The following ATG10 variants were observed in gnomAD, a reference collection of about 807,000 sequenced individuals.
ATG10 encodes the protein ubiquitin-like-conjugating enzyme ATG10.
In ATG10, 30 loss-of-function variants were observed where a neutral mutation model predicts 32.1. The observed-to-expected ratio is 0.94, with a 90% confidence interval of 0.70 to 1.27. The LOEUF (loss-of-function observed/expected upper bound fraction) is 1.27, where lower values mean the gene tolerates loss of function less well. Among genes scored for constraint, ATG10 ranks in the 50% most tolerant of loss-of-function variants. The probability of loss-of-function intolerance (pLI) is 0.00; values close to 1 mark genes in which losing one functional copy is unlikely to be tolerated. For synonymous variants in ATG10, 87 were observed against 91.5 expected (o/e 0.95, Z 0.28); for missense variants, 233 against 262.3 (o/e 0.89, Z 0.77).
intron 5 of ATG10, among the ~76,000 whole-genome samples, chr5:82,187,297 G>A (rs1286065923): frequency 6.6e-6 from 1 of 152,014 alleles, no homozygotes; most frequent in African/African-American, 2.4e-5. Context: ...GATCACTTGA[G>A]GTCAGGAGTT....
chr5:82,004,501 AC>A (rs1362840996), intron 2 of ATG10, among the ~76,000 whole-genome samples: 1 of 152,216 alleles, frequency 6.6e-6, no homozygotes, highest in Non-Finnish European at 1.5e-5. Flanking sequence ...TCTAAAGGAC[AC>A]CTGACCCTAT....
intron 5 of ATG10, among the ~76,000 whole-genome samples, chr5:82,180,059 G>C (rs895939677): frequency 3.9e-5 from 6 of 151,972 alleles, no homozygotes; most frequent in Non-Finnish European, 5.9e-5. Context: ...CTTACCTGTA[G>C]TCATATCTTT....
rs1191303482 is a variant in ATG10, at chr5:82,256,118, T to G, written c.*2055T>G. Reference sequence around the variant, plus strand: ...CATGTCATTTCTAGTGTAAAATAAATTATAATAATGTGTCATCTGAATGGT... The same window carrying G: ...CATGTCATTTCTAGTGTAAAATAAAGTATAATAATGTGTCATCTGAATGGT... On this transcript the variant is annotated 3_prime_UTR_variant, in exon 8 of 8. Transcript: ENST00000282185. 6.6e-6 allele frequency: 1 copy of G among 152,216 alleles called. No homozygotes were observed. The highest frequency in any genetic ancestry group is 2.4e-5 in the African/African-American group (1 of 41,452). 9.4% of individuals were successfully genotyped at this position (152,216 alleles called of 1,614,324 possible). A position where few individuals can be genotyped will look rare whatever the true frequency, so the allele number is the denominator to read the frequency against.
At chr5:82,131,493 G>A (rs1766520082) in intron 3 of ATG10, among the ~76,000 whole-genome samples, 1 of 152,112 alleles carries the variant, frequency 6.6e-6, no homozygotes, top group African/African-American at 2.4e-5. Context: ...CATGGGGAGA[G>A]TTATTCCTGG....
intron 1 of ATG10, among the ~76,000 whole-genome samples, chr5:81,987,306 A>G (rs1339902608): frequency 6.6e-6 from 1 of 152,022 alleles, no homozygotes; most frequent in Non-Finnish European, 1.5e-5. Context: ...TTTAGTTTGT[A>G]TATAGACAGA....
intron 5 of ATG10, among the ~76,000 whole-genome samples, chr5:82,205,054 T>C (rs1745238665): frequency 6.6e-6 from 1 of 152,188 alleles, no homozygotes; most frequent in African/African-American, 2.4e-5. Flanking sequence ...TGGTCAGAAG[T>C]GTACGAGGAA....
intron 2 of ATG10, among the ~76,000 whole-genome samples, chr5:82,031,426 G>A (rs1762739246): frequency 1.3e-5 from 2 of 152,182 alleles, no homozygotes; most frequent in Non-Finnish European, 1.5e-5. Context: ...AAGGGTAACT[G>A]TAGGATGTTT....
intron 3 of ATG10, among the ~76,000 whole-genome samples, chr5:82,158,618 C>T (rs189305742): frequency 2.0e-5 from 3 of 152,160 alleles, no homozygotes; most frequent in East Asian, 1.9e-4. Context: ...GAAACTTGAA[C>T]GTCTGTGAAT....
chr5:82,182,755 C>T lies in ATG10; in HGVS notation c.453+4168C>T, dbSNP rs7715418. The stretch of plus-strand genomic sequence containing the variant: ...AAATGGCTGTGGCTATTAAAGGCAA[C>T]GTGAGGGAACCTTATGGCAGTGGAA... On this transcript the variant is annotated intron_variant, in intron 5 of 7. Coordinates refer to ENST00000282185, the MANE Select transcript of ATG10 (RefSeq NM_031482.5). Among the ~76,000 whole-genome samples the T allele has an allele frequency of 9.0e-3, 1,372 of 152,120 alleles. 14 individuals are homozygous for T. Among genetic ancestry groups the T allele is most frequent in the African/African-American group, 0.031 (1,298 of 41,496 alleles).
intron 5 of ATG10, among the ~76,000 whole-genome samples, chr5:82,228,945 T>C (rs1051573338): frequency 6.6e-6 from 1 of 152,180 alleles, no homozygotes; most frequent in Non-Finnish European, 1.5e-5. Flanking sequence ...AGAAAGTAGG[T>C]AAATTATAGA....
chr5:82,135,381 C>G (rs1240750478), intron 3 of ATG10, among the ~76,000 whole-genome samples: 1 of 152,200 alleles, frequency 6.6e-6, no homozygotes, highest in African/African-American at 2.4e-5. Flanking sequence ...AAATTTTTCT[C>G]TAAGCGCTGC....
At chr5:82,011,434 C>G (rs1762124460) in intron 2 of ATG10, among the ~76,000 whole-genome samples, 1 of 152,212 alleles carries the variant, frequency 6.6e-6, no homozygotes, top group Non-Finnish European at 1.5e-5. Context: ...CAACCTGCCT[C>G]TAAGCCTGCC....
chr5:82,113,941 T>G (rs934548104), intron 3 of ATG10, among the ~76,000 whole-genome samples: 1 of 152,060 alleles, frequency 6.6e-6, no homozygotes, highest in Non-Finnish European at 1.5e-5. Context: ...TGTACTTTGA[T>G]TTTGTTTGCA....
intron 2 of ATG10, among the ~76,000 whole-genome samples, chr5:82,022,050 G>A (rs149848093): frequency 2.2e-3 from 325 of 150,814 alleles, no homozygotes; most frequent in African/African-American, 7.3e-3. Context: ...TTAGCTGGGC[G>A]TGGTGGCGCA....
chr5:82,246,834 T>C lies in ATG10; in HGVS notation c.454-5728T>C, dbSNP rs528572294. ...GAAGGACTTTTTTTAGTATATCTTA[T>C]AAGGCAAATCTGCTAGCAAGGAATT... On this transcript the variant is annotated intron_variant, in intron 5 of 7. Transcript: ENST00000282185. 2.0e-5 allele frequency among the ~76,000 whole-genome samples: 3 copies of C among 152,294 alleles called. No homozygotes were observed. In the East Asian group the frequency reaches 5.8e-4, roughly 29 times the overall value.
At chr5:82,129,999 C>G (rs1249614061) in intron 3 of ATG10, among the ~76,000 whole-genome samples, 1 of 152,176 alleles carries the variant, frequency 6.6e-6, no homozygotes, top group African/African-American at 2.4e-5. Context: ...CATCTATAAG[C>G]CCCTGACTGG....
At chr5:81,976,496 G>A (rs1339037251) in intron 1 of ATG10, among the ~76,000 whole-genome samples, 2 of 152,188 alleles carry the variant, frequency 1.3e-5, no homozygotes, top group Non-Finnish European at 2.9e-5. Context: ...CAAACTCAGT[G>A]TAAATGGTTG....
At chr5:82,156,063 G>GA (rs1207413659) in intron 3 of ATG10, among the ~76,000 whole-genome samples, 3 of 151,796 alleles carry the variant, frequency 2.0e-5, no homozygotes, top group Non-Finnish European at 2.9e-5. Context: ...GAAGATGAAG[G>GA]AATGGGGCAA....
intron 1 of ATG10, among the ~76,000 whole-genome samples, chr5:81,973,522 C>T (rs1760787938): frequency 6.6e-6 from 1 of 152,212 alleles, no homozygotes; most frequent in Non-Finnish European, 1.5e-5. Flanking sequence ...CACACTAAGC[C>T]ATTCAGCTTG....
Sources: allele counts gnomAD v4.1 joint callset (sites outside exome capture counted in the v4.1 genomes callset), GRCh38; gene constraint gnomAD v4.1.1; transcripts MANE v1.5; gene names NCBI Gene and HGNC (gene_info 2026-07-23, HGNC 2026-07-21).